Variants in PARD3B observed in about 807,000 individuals in gnomAD.
PARD3B encodes the protein partitioning defective 3 homolog B.
A neutral mutation model predicts 130.2 loss-of-function variants in PARD3B; 103 were observed. That is an observed-to-expected ratio of 0.79 (90% CI 0.67 to 0.93). PARD3B has a LOEUF of 0.93. Among genes scored for constraint, PARD3B ranks in the 40% least tolerant of loss-of-function variants. PARD3B has a pLI of 0.00. For synonymous variants in PARD3B, 583 were observed against 553.2 expected (o/e 1.05, Z -0.76); for missense variants, 1,609 against 1,499.2 (o/e 1.07, Z -1.21).
At chr2:204,783,691 G>A (rs556718409) in intron 2 of PARD3B, among the ~76,000 whole-genome samples, 15 of 152,226 alleles carry the variant, frequency 9.9e-5, no homozygotes, top group African/African-American at 3.6e-4. Context: ...TACAAAGGAG[G>A]AAACTGAAAT....
intron 2 of PARD3B, among the ~76,000 whole-genome samples, chr2:204,742,759 C>A (rs1447692415): frequency 6.6e-6 from 1 of 152,120 alleles, no homozygotes; most frequent in Non-Finnish European, 1.5e-5. Flanking sequence ...AATTATAAAA[C>A]TTTTAATTCT....
intron 15 of PARD3B, among the ~76,000 whole-genome samples, chr2:205,205,296 G>C (rs1226304638): frequency 1.3e-5 from 2 of 152,168 alleles, no homozygotes; most frequent in African/African-American, 4.8e-5. Context: ...CATTGATTTT[G>C]TATCTGGAGA....
intron 2 of PARD3B, among the ~76,000 whole-genome samples, chr2:204,931,196 T>C (rs1688005369): frequency 6.6e-6 from 1 of 152,130 alleles, no homozygotes. Flanking sequence ...TGGAGTCAAA[T>C]TGCCTTACTT....
chr2:205,422,976 G>A (rs532525685), intron 19 of PARD3B, among the ~76,000 whole-genome samples: 18 of 152,258 alleles, frequency 1.2e-4, no homozygotes, highest in African/African-American at 1.7e-4. Flanking sequence ...GCATATGGTC[G>A]TCTATAAAAG....
chr2:204,659,352 G>A (rs995199679), intron 1 of PARD3B, among the ~76,000 whole-genome samples: 2 of 152,020 alleles, frequency 1.3e-5, no homozygotes, highest in East Asian at 1.9e-4. Flanking sequence ...TGAGAGATGC[G>A]CCAAGATATT....
rs2040133396 is a variant in PARD3B at position 204,744,375 on chromosome 2, T to G, written c.222+58093T>G. On this transcript the variant is annotated intron_variant, in intron 2 of 22. Transcript: ENST00000406610. ...GCCAAAGCAAACAAAACCCAAAATT[T>G]GGGGTTTTAATTGATATAAAAACAT... Among the ~76,000 whole-genome samples, 3 of 152,138 alleles carry G rather than the reference T, an allele frequency of 2.0e-5. No individual in the cohort carries two copies. The South Asian group carries it at 6.2e-4, about 32-fold the overall frequency.
chr2:204,573,241 T>C (rs899932529), intron 1 of PARD3B, among the ~76,000 whole-genome samples: 6 of 152,218 alleles, frequency 3.9e-5, no homozygotes, highest in East Asian at 1.9e-4. Flanking sequence ...ATAACTAGTT[T>C]TCACTCTTGA....
chr2:205,090,329 G>A (rs1353275192), intron 4 of PARD3B, among the ~76,000 whole-genome samples: 1 of 152,210 alleles, frequency 6.6e-6, no homozygotes, highest in Non-Finnish European at 1.5e-5. Flanking sequence ...ACACTGTTTT[G>A]TTGTGTCATG....
At chr2:204,753,041 A>G (rs1303201292) in intron 2 of PARD3B, among the ~76,000 whole-genome samples, 2 of 152,208 alleles carry the variant, frequency 1.3e-5, no homozygotes, top group African/African-American at 2.4e-5. Context: ...GGGTAAGTTT[A>G]GGTAACGCCA....
intron 2 of PARD3B, among the ~76,000 whole-genome samples, chr2:204,955,052 G>A (rs563367687): frequency 4.4e-4 from 67 of 152,252 alleles, no homozygotes; most frequent in African/African-American, 1.4e-3. Context: ...TAAATGAATA[G>A]TATGTTTGTT....
At chr2:205,022,791 C>G (rs993105181) in intron 3 of PARD3B, among the ~76,000 whole-genome samples, 3 of 152,172 alleles carry the variant, frequency 2.0e-5, no homozygotes, top group Non-Finnish European at 2.9e-5. Context: ...AACTGGGACA[C>G]TGGGTTTTCC....
chr2:205,138,250 C>T (rs1484042111), intron 10 of PARD3B, among the ~76,000 whole-genome samples: 1 of 151,960 alleles, frequency 6.6e-6, no homozygotes, highest in Non-Finnish European at 1.5e-5. Context: ...TATGCAAATA[C>T]AGTGTTGAAG....
At chr2:204,624,290 A>G (rs2034406571) in intron 1 of PARD3B, among the ~76,000 whole-genome samples, 2 of 152,208 alleles carry the variant, frequency 1.3e-5, no homozygotes, top group African/African-American at 2.4e-5. Context: ...TCAATGAAAT[A>G]TAATCTCACA....
chr2:204,630,706 A>C (rs897439501), intron 1 of PARD3B, among the ~76,000 whole-genome samples: 1 of 152,022 alleles, frequency 6.6e-6, no homozygotes, highest in Non-Finnish European at 1.5e-5. Context: ...TAATATCTTA[A>C]TGTGTTAGAC....
chr2:205,369,507 C>T (rs1339338304), intron 18 of PARD3B, among the ~76,000 whole-genome samples: 1 of 152,194 alleles, frequency 6.6e-6, no homozygotes, highest in Non-Finnish European at 1.5e-5. Context: ...CCTTCGTGTT[C>T]TGATTCCTGT....
chr2:205,492,448 T>G (rs2049754065), intron 20 of PARD3B, among the ~76,000 whole-genome samples: 1 of 152,206 alleles, frequency 6.6e-6, no homozygotes, highest in South Asian at 2.1e-4. Flanking sequence ...AATGTCCATA[T>G]AAGCTAAGAC....
At chr2:205,233,724 A>T (rs552904959) in intron 15 of PARD3B, among the ~76,000 whole-genome samples, 44 of 152,252 alleles carry the variant, frequency 2.9e-4, no homozygotes, top group African/African-American at 8.9e-4. Flanking sequence ...CCTGCCTTAC[A>T]TGTGCTCAGA....
chr2:205,238,712 AT>A (rs1474282504), intron 15 of PARD3B, among the ~76,000 whole-genome samples: 1 of 150,042 alleles, frequency 6.7e-6, no homozygotes, highest in East Asian at 2.0e-4. Flanking sequence ...GGCGCTTGTA[AT>A]CCCAGATACT....
rs897811657 is a variant in PARD3B, at chr2:205,258,102, A to C, written c.2185+12280A>C. Among the ~76,000 whole-genome samples the C allele has an allele frequency of 6.6e-6, 1 of 152,194 alleles. No homozygotes were observed. The highest frequency in any genetic ancestry group is 2.4e-5 in the African/African-American group (1 of 41,434). On this transcript the variant is annotated intron_variant, in intron 16 of 22. Transcript: ENST00000406610. The surrounding 1 kb of genome is among the most constrained non-coding windows in gnomAD (Gnocchi z 4.9). ...GCAGGCCATTTCATTGGAGAGAGAA[A>C]CATAACAGATGCAATGGTACACTTC...
Sources: gnomAD v4.1 joint callset for allele counts (sites outside exome capture counted in the v4.1 genomes callset) on GRCh38, gnomAD v4.1.1 for gene constraint, Gnocchi (gnomAD v3.1) non-coding constraint, MANE v1.5 for transcripts, NCBI Gene and HGNC (gene_info 2026-07-23, HGNC 2026-07-21) for gene names.